The following IMMP2L variants were observed in gnomAD, a reference collection of about 807,000 sequenced individuals.
IMMP2L encodes the protein inner mitochondrial membrane peptidase subunit 2, also known as mitochondrial inner membrane protease subunit 2.
IMMP2L carries 18 observed loss-of-function variants against 19.3 expected under a neutral mutation model. That is an observed-to-expected ratio of 0.93 (90% confidence interval 0.64 to 1.38). IMMP2L has a LOEUF of 1.38. Ranked by LOEUF, IMMP2L falls within the 40% of genes most tolerant of loss-of-function variation. IMMP2L has a pLI of 0.00. For missense variants in IMMP2L, 233 were observed against 218.2 expected (o/e 1.07, Z -0.43); for synonymous variants, 76 against 73.0 (o/e 1.04, Z -0.21).
chr7:110,998,867 C>T lies in IMMP2L; in HGVS notation c.240-35302G>A, dbSNP rs56246100. 1.9e-3 allele frequency among the ~76,000 whole-genome samples: 283 copies of T among 152,240 alleles called. 3 individuals are homozygous for T. Among genetic ancestry groups the T allele is most frequent in the African/African-American group, 6.5e-3 (269 of 41,546 alleles). On this transcript the variant is annotated intron_variant, in intron 3 of 5. Coordinates refer to ENST00000405709, the MANE Select transcript of IMMP2L (RefSeq NM_032549.4). ...GGGGAGAGGATATAGGATCACAGCT[C>T]TCAATGGGAGGAATGTTAACAAACT... is the stretch of plus-strand genomic sequence containing the variant.
chr7:111,156,170 G>T (rs1243536957), intron 3 of IMMP2L, among the ~76,000 whole-genome samples: 1 of 151,972 alleles, frequency 6.6e-6, no homozygotes, highest in Non-Finnish European at 1.5e-5. Context: ...CTCTTGTATA[G>T]ATTTTTTGGT....
At chr7:111,420,816 T>C (rs766735999) in intron 3 of IMMP2L, among the ~76,000 whole-genome samples, 1 of 151,802 alleles carries the variant, frequency 6.6e-6, no homozygotes, top group Non-Finnish European at 1.5e-5. Context: ...ATGATGGACA[T>C]TTGGGTTGGT....
intron 4 of IMMP2L, among the ~76,000 whole-genome samples, chr7:110,928,427 T>C (rs1471803454): frequency 8.0e-6 from 1 of 125,732 alleles, no homozygotes; most frequent in Non-Finnish European, 1.6e-5. Context: ...TATATCTGGT[T>C]AAGTAAGAGG....
At chr7:110,974,754 A>C (rs902192651) in intron 3 of IMMP2L, among the ~76,000 whole-genome samples, 1 of 152,112 alleles carries the variant, frequency 6.6e-6, no homozygotes, top group Admixed American at 6.6e-5. Context: ...TTCCTCCCAA[A>C]GATTTTCTTC....
At chr7:110,876,840 C>G (rs947260170) in intron 5 of IMMP2L, among the ~76,000 whole-genome samples, 4 of 152,044 alleles carry the variant, frequency 2.6e-5, no homozygotes, top group Non-Finnish European at 5.9e-5. Context: ...TAACTTATTA[C>G]TCTCCTGTTC....
At chr7:111,411,450 T>C in intron 3 of IMMP2L, 1 of 502,212 alleles carries the variant, frequency 2.0e-6, no homozygotes, top group Admixed American at 2.0e-5. Flanking sequence ...TTGGAGCTCT[T>C]CGTGTACCTG....
chr7:111,060,640 G>A (rs1358172119), intron 3 of IMMP2L, among the ~76,000 whole-genome samples: 1 of 152,188 alleles, frequency 6.6e-6, no homozygotes, highest in African/African-American at 2.4e-5. Flanking sequence ...CTACAAGATG[G>A]AGATAATTCA....
At chr7:111,515,896 T>C (rs1344667583) in intron 2 of IMMP2L, among the ~76,000 whole-genome samples, 1 of 152,106 alleles carries the variant, frequency 6.6e-6, no homozygotes, top group African/African-American at 2.4e-5. Context: ...AGTACATCAT[T>C]CCATAAACCA....
At chr7:111,372,193 G>T (rs1830315408) in intron 3 of IMMP2L, among the ~76,000 whole-genome samples, 1 of 151,848 alleles carries the variant, frequency 6.6e-6, no homozygotes, top group African/African-American at 2.4e-5. Flanking sequence ...CATTTTATAT[G>T]ATGTGATTAT....
chr7:111,389,999 T>A (rs952874657), intron 3 of IMMP2L, among the ~76,000 whole-genome samples: 1 of 152,172 alleles, frequency 6.6e-6, no homozygotes, highest in African/African-American at 2.4e-5. Context: ...ATTATAAATA[T>A]AAGGATAAAA....
At chr7:110,919,911 C>T (rs765212177) in intron 4 of IMMP2L, among the ~76,000 whole-genome samples, 7 of 152,078 alleles carry the variant, frequency 4.6e-5, no homozygotes, top group Non-Finnish European at 1.0e-4. Flanking sequence ...AAATTGCTGC[C>T]AGCTTGGCTA....
intron 3 of IMMP2L, among the ~76,000 whole-genome samples, chr7:111,353,947 C>T (rs1480815220): frequency 6.6e-6 from 1 of 152,016 alleles, no homozygotes; most frequent in East Asian, 1.9e-4. Context: ...TAGCTGCCTA[C>T]ATAGGGTCCT....
chr7:111,017,343 T>G (rs1276942222), intron 3 of IMMP2L, among the ~76,000 whole-genome samples: 1 of 151,994 alleles, frequency 6.6e-6, no homozygotes, highest in Non-Finnish European at 1.5e-5. Flanking sequence ...GGATTACAGA[T>G]GTGAGCCACT....
chr7:110,748,131 G>T (rs1797480500), intron 5 of IMMP2L, among the ~76,000 whole-genome samples: 1 of 151,908 alleles, frequency 6.6e-6, no homozygotes, highest in African/African-American at 2.4e-5. Context: ...CAAATCACAA[G>T]TAACTCCCAT....
At chr7:110,752,416 G>T (rs1436100210) in intron 5 of IMMP2L, among the ~76,000 whole-genome samples, 1 of 151,992 alleles carries the variant, frequency 6.6e-6, no homozygotes, top group Non-Finnish European at 1.5e-5. Flanking sequence ...TAGATTATGA[G>T]ACACTATAAT....
At chr7:110,935,437 CT>C (rs1306740783) in intron 4 of IMMP2L, among the ~76,000 whole-genome samples, 1 of 152,024 alleles carries the variant, frequency 6.6e-6, no homozygotes, top group Non-Finnish European at 1.5e-5. Flanking sequence ...ACATTTTCTC[CT>C]TTTGTTCAAT....
At chr7:111,516,585 A>T (rs910649093) in intron 2 of IMMP2L, among the ~76,000 whole-genome samples, 1 of 152,118 alleles carries the variant, frequency 6.6e-6, no homozygotes, top group Non-Finnish European at 1.5e-5. Flanking sequence ...ATAAAACAGA[A>T]ACACATAGTT....
At chr7:110,861,842 A>C (rs1334667057) in intron 5 of IMMP2L, among the ~76,000 whole-genome samples, 1 of 152,098 alleles carries the variant, frequency 6.6e-6, no homozygotes, top group Non-Finnish European at 1.5e-5. Flanking sequence ...AGAAGATATG[A>C]AACTTGTCAA....
intron 4 of IMMP2L, among the ~76,000 whole-genome samples, chr7:110,930,617 C>G (rs1486410064): frequency 6.6e-6 from 1 of 152,128 alleles, no homozygotes; most frequent in Non-Finnish European, 1.5e-5. Flanking sequence ...ATGGCATAAA[C>G]TATAACATAA....
Sources: allele counts gnomAD v4.1 joint callset (sites outside exome capture counted in the v4.1 genomes callset), GRCh38; gene constraint gnomAD v4.1.1; transcripts MANE v1.5; gene names NCBI Gene and HGNC (gene_info 2026-07-23, HGNC 2026-07-21).